Variants in FLT4 observed in about 807,000 individuals in gnomAD.
The protein encoded by FLT4 is fms related receptor tyrosine kinase 4.
A neutral mutation model predicts 163.2 loss-of-function variants in FLT4; 30 were observed. That is an observed-to-expected ratio of 0.18 (90% CI 0.14 to 0.25). The LOEUF is 0.25. Ranked by LOEUF, FLT4 falls within the 10% of genes least tolerant of loss-of-function variation. The pLI is 1.00. For missense variants in FLT4, 1,510 were observed against 1,863.8 expected (o/e 0.81, Z 3.50); for synonymous variants, 884 against 789.5 (o/e 1.12, Z -2.01).
chr5:180,615,471 C>CTTTT (rs1762599096), intron 23 of FLT4, among the ~76,000 whole-genome samples: 1 of 93,012 alleles, frequency 1.1e-5, no homozygotes. Flanking sequence ...TCTCCACTTC[C>CTTTT]GAAATCCACT....
chr5:180,613,038 C>T lies in FLT4; in HGVS notation c.3404G>A (p.Arg1135Lys), dbSNP rs1176433163. The T allele has an allele frequency of 1.9e-6, 3 of 1,613,488 alleles. No homozygotes were observed. Among genetic ancestry groups the T allele is most frequent in the East Asian group, 2.2e-5 (1 of 44,868 alleles). The change falls in exon 25 of 30, where the codon AGG becomes AAG. Residue 1135 changes from arginine (R) to lysine (K), a missense_variant. Arg to Lys is a conservative substitution (Grantham distance 26). Transcript: ENST00000261937. ...GGCGGGAGTGGCCAGCTCCGGGGCC[C>T]TCATCCTTGTGCCGTCTCTCAGCCG... ...CQRLRDGTRM[R>K]APELATPAIR... is the part of the protein sequence containing the mutation.
intron 1 of FLT4, among the ~76,000 whole-genome samples, chr5:180,638,019 C>T (rs1764814996): frequency 6.6e-6 from 1 of 152,164 alleles, no homozygotes; most frequent in Admixed American, 6.5e-5. Flanking sequence ...TTATGACCTC[C>T]AGGCTGCAGA....
At chr5:180,608,945 C>T (rs1321715828) in intron 29 of FLT4, 23 bp downstream of exon 29, 16 of 1,593,916 alleles carry the variant, frequency 1.0e-5, no homozygotes, top group Non-Finnish European at 1.4e-5. Flanking sequence ...ACCTGCAGTG[C>T]AGGAGGCTCA....
Position 180,619,687 on chromosome 5 carries a change from G to T in FLT4, c.2625C>A (p.Thr875=). 1.2e-6 allele frequency: 2 copies of T among 1,612,552 alleles called. No homozygotes were observed. Among genetic ancestry groups the T allele is most frequent in the Non-Finnish European group, 1.7e-6 (2 of 1,179,754 alleles). Residue 875 remains threonine (T), a synonymous_variant, in exon 18 of 30, where the codon ACC becomes ACA. Transcript: ENST00000261937. ...FGIHKGSSCD[T]VAVKMLKEGA... ...CACCTTTCAGCATTTTCACGGCCAC[G>T]GTGTCACAGCTGCTGCCCTTGTGGA...
At position 180,631,861 on chromosome 5, in the gene FLT4, G is replaced by A. The variant is rs1025895254; in HGVS notation, c.59-83C>T. 8.3e-5 allele frequency: 80 copies of A among 968,490 alleles called. 1 individual carries two copies. The highest frequency in any genetic ancestry group is 4.0e-4 in the African/African-American group (25 of 62,804). 60.0% of individuals were successfully genotyped at this position (968,490 alleles called of 1,614,324 possible). A position where few individuals can be genotyped will look rare whatever the true frequency, so the allele number is the denominator to read the frequency against. ...GGGGCATGGCTGGGCATTCTGCATC[G>A]CAAGCGCAGACCCCTGCAGGGCCGG... is the stretch of plus-strand genomic sequence containing the variant. On this transcript the variant is annotated intron_variant, in intron 1 of 29. Coordinates refer to ENST00000261937, the MANE Select transcript of FLT4 (RefSeq NM_182925.5).
chr5:180,632,626 G>A (rs1764273142), intron 1 of FLT4, among the ~76,000 whole-genome samples: 1 of 69,466 alleles, frequency 1.4e-5, no homozygotes. Context: ...GTGTGTGTGT[G>A]TGTGTGTGTG....
At position 180,601,626 on chromosome 5, in the gene FLT4, G is replaced by A. The variant is rs1266362253; in HGVS notation, c.*1566C>T. On this transcript the variant is annotated 3_prime_UTR_variant, in exon 30 of 30. Coordinates refer to ENST00000261937, the MANE Select transcript of FLT4 (RefSeq NM_182925.5). ...AGTTTTTTTCCCGGTACATGCGTGG[G>A]TGGGTAGTGAGGAGAAGGGAGCAGA... 2 of 233,204 alleles carry A rather than the reference G, an allele frequency of 8.6e-6. No individual in the cohort carries two copies. The highest frequency in any genetic ancestry group is 1.7e-5 in the Non-Finnish European group (2 of 118,100). 14.4% of individuals were successfully genotyped at this position (233,204 alleles called of 1,614,324 possible).
At position 180,616,456 on chromosome 5, in the gene FLT4, G is replaced by A. The variant is rs1299643263; in HGVS notation, c.3130C>T (p.Leu1044=). The change falls in exon 23 of 30, where the codon CTG becomes TTG. Residue 1044 remains leucine (L), a synonymous_variant. Coordinates refer to ENST00000261937, the MANE Select transcript of FLT4 (RefSeq NM_182925.5). ...TTCACCACGTCGCTTTCCGACAGCA[G>A]AATGTTCCGAGCAGCCAGGTCTCTG... ...IHRDLAARNI[L]LSESDVVKIC... is the part of the protein sequence containing the mutation. 6.8e-6 allele frequency: 11 copies of A among 1,613,964 alleles called. No individual in the cohort carries two copies. Among genetic ancestry groups the A allele is most frequent in the Non-Finnish European group, 9.3e-6 (11 of 1,180,002 alleles).
At chr5:180,629,057 G>C (rs759504040) in intron 7 of FLT4, 58 bp from the exon 8 acceptor site, 2 of 1,515,578 alleles carry the variant, frequency 1.3e-6, no homozygotes, top group Non-Finnish European at 1.8e-6. Context: ...GACTGACCAG[G>C]GACTCCCCCC....
chr5:180,610,185 G>A (rs545823626), intron 27 of FLT4, among the ~76,000 whole-genome samples, 160 bp from the exon 28 acceptor site: 48 of 152,334 alleles, frequency 3.2e-4, no homozygotes, highest in African/African-American at 9.1e-4. Context: ...GGGCTCCTCC[G>A]TGTGCCTGGC....
In FLT4 at chr5:180,628,874, G is replaced by A. The variant is rs1763860042; in HGVS notation, c.1103+8C>T. On this transcript the variant is annotated splice_region_variant and intron_variant, in intron 8 of 29. Coordinates refer to ENST00000261937, the MANE Select transcript of FLT4 (RefSeq NM_182925.5). ...TCGGCGGGGTCGGTGGGGAGCCAGG[G>A]CTGTTACCACTGGAACTCGGGCGGG... 2 of 1,587,698 alleles carry A rather than the reference G, an allele frequency of 1.3e-6. No homozygotes were observed. The highest frequency in any genetic ancestry group is 1.3e-5 in the African/African-American group (1 of 74,438).
At chr5:180,641,608 TCCTGGGGCCAGGCCTCTGCAGGGA>T (rs1220372993) in intron 1 of FLT4, among the ~76,000 whole-genome samples, 1 of 151,650 alleles carries the variant, frequency 6.6e-6, no homozygotes, top group Non-Finnish European at 1.5e-5. Context: ...CTCTCTTCAC[TCCTGGGGCCAGGCCTCTGCAGGGA>T]CCTGGGGGGA....
chr5:180,611,243 G>A, intron 27 of FLT4, 88 bp downstream of exon 27: 2 of 1,438,326 alleles, frequency 1.4e-6, no homozygotes, highest in Non-Finnish European at 1.9e-6. Flanking sequence ...CGCATGATTT[G>A]CTTTTCCCCG....
At chr5:180,646,166 A>G (rs1765482093) in intron 1 of FLT4, among the ~76,000 whole-genome samples, 1 of 151,942 alleles carries the variant, frequency 6.6e-6, no homozygotes, top group Non-Finnish European at 1.5e-5. Context: ...CTCCGAGGAA[A>G]TCCCATTGCC....
intron 1 of FLT4, among the ~76,000 whole-genome samples, chr5:180,646,282 A>G (rs186675529): frequency 6.6e-6 from 1 of 152,154 alleles, no homozygotes; most frequent in African/African-American, 2.4e-5. Context: ...CCCAGCTGCT[A>G]CCTGCCTCCA....
At chr5:180,626,668 G>T (rs532904932) in intron 8 of FLT4, among the ~76,000 whole-genome samples, 38 of 152,312 alleles carry the variant, frequency 2.5e-4, no homozygotes, top group African/African-American at 8.2e-4. Context: ...CCACACACCT[G>T]GTTCCTCCAC....
chr5:180,629,517 G>A, intron 6 of FLT4, 90 bp from the exon 7 acceptor site: 1 of 1,534,132 alleles, frequency 6.5e-7, no homozygotes, highest in East Asian at 2.3e-5. Context: ...AGCCAGCGGT[G>A]GCTCCGGAAG....
chr5:180,623,459 G>A lies in FLT4; in HGVS notation c.1548+476C>T, dbSNP rs1763334352. 6.6e-6 allele frequency among the ~76,000 whole-genome samples: 1 copy of A among 151,818 alleles called. No individual in the cohort carries two copies. Among genetic ancestry groups the A allele is most frequent in the Admixed American group, 6.6e-5 (1 of 15,238 alleles). On this transcript the variant is annotated intron_variant, in intron 11 of 29. Transcript: ENST00000261937. This position sits in a 1 kb window ranked among gnomAD's most constrained non-coding sequence, Gnocchi z 5.8. Reference sequence around the variant, plus strand: ...CCCACCCCCACCCCACCCCCAGCTGGGCACTTCCTGTCCAGGACTGGAACA... The same window carrying A: ...CCCACCCCCACCCCACCCCCAGCTGAGCACTTCCTGTCCAGGACTGGAACA...
intron 23 of FLT4, among the ~76,000 whole-genome samples, chr5:180,614,677 C>G (rs1762499088): frequency 1.3e-5 from 2 of 150,922 alleles, no homozygotes; most frequent in South Asian, 4.2e-4. Context: ...TACCTGGGAG[C>G]CCTGAGGGCC....
Sources: gnomAD v4.1 joint callset for allele counts (sites outside exome capture counted in the v4.1 genomes callset) on GRCh38, gnomAD v4.1.1 for gene constraint, Gnocchi (gnomAD v3.1) non-coding constraint, MANE v1.5 for transcripts, NCBI Gene and HGNC (gene_info 2026-07-23, HGNC 2026-07-21) for gene names.